CA10: variants seen among roughly 807,000 people sequenced by gnomAD.
CA10 encodes carbonic anhydrase 10 (inactive), also known as carbonic anhydrase-related protein 10.
In CA10, 14 loss-of-function variants were observed where a neutral mutation model predicts 44.2. That is an observed-to-expected ratio of 0.32 (90% confidence interval 0.21 to 0.50). The LOEUF (loss-of-function observed/expected upper bound fraction) is 0.50, where lower values mean the gene tolerates loss of function less well. Among genes scored for constraint, CA10 ranks in the 20% least tolerant of loss-of-function variants. CA10 has a pLI of 0.99. For synonymous variants in CA10, 159 were observed against 141.6 expected, an observed-to-expected ratio of 1.12 and a Z score of -0.87; for missense variants, 350 against 409.7, an observed-to-expected ratio of 0.85 and a Z score of 1.26.
At chr17:52,078,125 A>G (rs1300091955) in intron 1 of CA10, among the ~76,000 whole-genome samples, 1 of 152,246 alleles carries the variant, frequency 6.6e-6, no homozygotes, top group Non-Finnish European at 1.5e-5. Context: ...TTACTGCTCC[A>G]AGTCAACTAA....
At chr17:51,702,242 A>G (rs1014095086) in intron 4 of CA10, among the ~76,000 whole-genome samples, 1 of 152,194 alleles carries the variant, frequency 6.6e-6, no homozygotes, top group African/African-American at 2.4e-5. Context: ...TCTGCATTCC[A>G]GATGAGAGCA....
At chr17:51,991,681 T>C (rs1240154143) in intron 2 of CA10, among the ~76,000 whole-genome samples, 1 of 152,092 alleles carries the variant, frequency 6.6e-6, no homozygotes. Flanking sequence ...TGGTGGCACA[T>C]GCCTGTAATC....
chr17:51,885,774 C>T (rs1181043259), intron 3 of CA10, among the ~76,000 whole-genome samples: 1 of 152,236 alleles, frequency 6.6e-6, no homozygotes, highest in Non-Finnish European at 1.5e-5. Flanking sequence ...AGTCCAACCC[C>T]CAGCATCTAT....
intron 1 of CA10, among the ~76,000 whole-genome samples, chr17:52,147,185 T>C (rs1487968071): frequency 3.3e-5 from 5 of 152,206 alleles, no homozygotes; most frequent in Non-Finnish European, 5.9e-5. Flanking sequence ...AAATTTGGTC[T>C]ATGGGGAATA....
intron 3 of CA10, among the ~76,000 whole-genome samples, chr17:51,878,256 A>T (rs577172992): frequency 9.2e-5 from 14 of 152,174 alleles, no homozygotes; most frequent in South Asian, 6.2e-4. Flanking sequence ...TCTGGTTCTA[A>T]GATTTAACCA....
In CA10 at chr17:51,765,079, A is replaced by G. The variant is rs182766347; in HGVS notation, c.280-17261T>C. On this transcript the variant is annotated intron_variant, in intron 3 of 8. Transcript: ENST00000451037. ...AAGATTTTAAATGAAAAATGGTGCT[A>G]ATGAGCAGAATAAGACTGTTCACCC... Among the ~76,000 whole-genome samples, 43 of 152,344 alleles carry G rather than the reference A, an allele frequency of 2.8e-4. No homozygotes were observed. The East Asian group carries it at 7.9e-3, about 28-fold the overall frequency.
At chr17:51,756,001 C>T (rs1407404401) in intron 3 of CA10, among the ~76,000 whole-genome samples, 3 of 151,668 alleles carry the variant, frequency 2.0e-5, no homozygotes, top group East Asian at 1.9e-4. Context: ...GCCCTGTTCA[C>T]TGGTAACATA....
In CA10 at chr17:51,633,228, G is replaced by GTCCA. The variant is rs558692448; in HGVS notation, c.964+244_964+247dup. Among the ~76,000 whole-genome samples, 115 of 151,962 alleles carry GTCCA rather than the reference G, an allele frequency of 7.6e-4. 1 individual carries two copies. The highest frequency in any genetic ancestry group is 2.5e-3 in the African/African-American group (105 of 41,428). ...CTCTACACCTTGCCATCTACCTACCGTCCATCCATCCATCCATCCACTTAC... is the reference window on the plus strand; with the variant it reads ...CTCTACACCTTGCCATCTACCTACCGTCCATCCATCCATCCATCCATCCACTTAC... On this transcript the variant is annotated intron_variant, in intron 8 of 8. Coordinates refer to ENST00000451037, the MANE Select transcript of CA10 (RefSeq NM_020178.5).
At chr17:52,113,992 T>C (rs191119467) in intron 1 of CA10, among the ~76,000 whole-genome samples, 1 of 152,294 alleles carries the variant, frequency 6.6e-6, no homozygotes, top group East Asian at 1.9e-4. Flanking sequence ...GATGGGGTCC[T>C]GAACAGCATC....
intron 1 of CA10, among the ~76,000 whole-genome samples, chr17:52,091,754 T>C (rs1375627147): frequency 6.6e-6 from 1 of 152,114 alleles, no homozygotes; most frequent in East Asian, 1.9e-4. Context: ...CTGTATACAC[T>C]AGAATTCAAT....
At chr17:51,924,992 T>A (rs894957194) in intron 3 of CA10, among the ~76,000 whole-genome samples, 12 of 152,192 alleles carry the variant, frequency 7.9e-5, no homozygotes, top group African/African-American at 2.9e-4. Flanking sequence ...TTCTTTGAGA[T>A]AACCAATGTA....
chr17:51,941,024 A>G (rs944173024), intron 2 of CA10, among the ~76,000 whole-genome samples: 1 of 152,146 alleles, frequency 6.6e-6, no homozygotes, highest in African/African-American at 2.4e-5. Context: ...TTTACATCAA[A>G]TTCTACATAA....
At chr17:51,939,366 A>T (rs570314955) in intron 2 of CA10, among the ~76,000 whole-genome samples, 1 of 152,244 alleles carries the variant, frequency 6.6e-6, no homozygotes, top group South Asian at 2.1e-4. Flanking sequence ...GCTGCAATAA[A>T]TAGCCTCAGA....
chr17:51,705,017 T>A (rs896914060), intron 4 of CA10, among the ~76,000 whole-genome samples: 14 of 152,218 alleles, frequency 9.2e-5, no homozygotes, highest in African/African-American at 2.9e-4. Flanking sequence ...TCACATCTTT[T>A]TTTTCATTCA....
chr17:52,105,383 T>C (rs1193314875), intron 1 of CA10, among the ~76,000 whole-genome samples: 4 of 152,126 alleles, frequency 2.6e-5, no homozygotes, highest in Non-Finnish European at 4.4e-5. Context: ...GCTTCCCGAA[T>C]AGCTGGGACT....
intron 4 of CA10, among the ~76,000 whole-genome samples, chr17:51,683,860 G>GGATA (rs1914923882): frequency 6.6e-6 from 1 of 152,150 alleles, no homozygotes; most frequent in Non-Finnish European, 1.5e-5. Flanking sequence ...ACTCTAGGAA[G>GGATA]GATAATTGGG....
chr17:51,859,157 T>C lies in CA10; in HGVS notation c.279+71833A>G, dbSNP rs547798407. ...GTTGGGGTGATATCTTTTTCTCTTCTACATCAGGGCAGAGTTCTTCAATCT... is the reference window on the plus strand; with the variant it reads ...GTTGGGGTGATATCTTTTTCTCTTCCACATCAGGGCAGAGTTCTTCAATCT... On this transcript the variant is annotated intron_variant, in intron 3 of 8. Transcript: ENST00000451037. Among the ~76,000 whole-genome samples, 3 of 152,306 alleles carry C rather than the reference T, an allele frequency of 2.0e-5. No homozygotes were observed. In the South Asian group the frequency reaches 6.2e-4, roughly 32 times the overall value.
intron 3 of CA10, among the ~76,000 whole-genome samples, chr17:51,804,107 G>A (rs1267914692): frequency 1.3e-5 from 2 of 152,154 alleles, no homozygotes; most frequent in African/African-American, 4.8e-5. Flanking sequence ...ATAGAATGGT[G>A]CCTGGCACAT....
chr17:52,151,062 T>G (rs1055562592), intron 1 of CA10, among the ~76,000 whole-genome samples: 1 of 152,098 alleles, frequency 6.6e-6, no homozygotes, highest in Admixed American at 6.6e-5. Flanking sequence ...GGAGTTGGGT[T>G]TCTAAGTAAT....
Sources: gnomAD v4.1 joint callset for allele counts (sites outside exome capture counted in the v4.1 genomes callset) on GRCh38, gnomAD v4.1.1 for gene constraint, MANE v1.5 for transcripts, NCBI Gene and HGNC (gene_info 2026-07-23, HGNC 2026-07-21) for gene names.